TBXAS1: variants seen among roughly 807,000 people sequenced by gnomAD.
TBXAS1 encodes the protein thromboxane-A synthase.
A neutral mutation model predicts 60.7 loss-of-function variants in TBXAS1; 48 were observed. That is an observed-to-expected ratio of 0.79 (90% CI 0.63 to 1.01). The LOEUF (loss-of-function observed/expected upper bound fraction) is 1.01, where lower values mean the gene tolerates loss of function less well. TBXAS1 is among the 50% of genes least tolerant of loss of function. The pLI is 0.00. For synonymous variants in TBXAS1, 287 were observed against 269.7 expected (o/e 1.06, Z -0.63); for missense variants, 685 against 686.3 (o/e 1.00, Z 0.02).
At chr7:139,938,457 A>G (rs1361510829) in intron 5 of TBXAS1, among the ~76,000 whole-genome samples, 2 of 152,206 alleles carry the variant, frequency 1.3e-5, no homozygotes, top group African/African-American at 4.8e-5. Flanking sequence ...ATGAGAGGAA[A>G]GGGGCACCTG....
rs147307695 is a variant in TBXAS1, at chr7:139,961,229, G to A, written c.820-690G>A. On this transcript the variant is annotated intron_variant, in intron 8 of 12. Transcript: ENST00000448866. ...CCTGGAGACTTTGAAGACAGGCGCC[G>A]CCAAACTAGTCCCCTCGCCTTGCCC... 1.6e-3 allele frequency among the ~76,000 whole-genome samples: 251 copies of A among 152,292 alleles called. 1 individual carries two copies. Among genetic ancestry groups the A allele is most frequent in the African/African-American group, 5.8e-3 (239 of 41,546 alleles).
At chr7:139,782,781 C>T (rs971603725) in intron 3 of TBXAS1, 6 of 152,114 alleles carry the variant, frequency 3.9e-5, no homozygotes, top group Non-Finnish European at 8.8e-5. Context: ...CTCTTTTGGT[C>T]TCTTGCTGTA....
At chr7:139,826,897 C>T (rs1798450908), upstream of TBXAS1, among the ~76,000 whole-genome samples, 1 of 152,120 alleles carries the variant, frequency 6.6e-6, no homozygotes. Flanking sequence ...TTGATTTTCC[C>T]AACAATACCT....
intron 3 of TBXAS1, among the ~76,000 whole-genome samples, chr7:139,879,428 A>G (rs939036195): frequency 6.6e-6 from 1 of 152,208 alleles, no homozygotes; most frequent in Admixed American, 6.5e-5. Context: ...ATGTAACACA[A>G]AGAAGGCAAG....
chr7:139,875,400 G>A (rs1218681161), intron 2 of TBXAS1, among the ~76,000 whole-genome samples, 185 bp from the exon 3 acceptor site: 2 of 152,178 alleles, frequency 1.3e-5, no homozygotes, highest in Non-Finnish European at 2.9e-5. Context: ...CTTTTACATG[G>A]CAATTTTTTT....
intron 9 of TBXAS1, among the ~76,000 whole-genome samples, chr7:139,986,755 A>ATATGTG (rs1316978387): frequency 2.5e-5 from 2 of 79,750 alleles, no homozygotes; most frequent in African/African-American, 5.1e-5. Flanking sequence ...ATATATATAT[A>ATATGTG]TGTGTGTGTG....
Position 139,778,730 on chromosome 7 carries a change from C to T in TBXAS1, c.-318+259C>T, listed in dbSNP as rs1796871184. 6.6e-6 allele frequency among the ~76,000 whole-genome samples: 1 copy of T among 152,176 alleles called. No homozygotes were observed. The highest frequency in any genetic ancestry group is 6.5e-5 in the Admixed American group (1 of 15,292). ...ATCACTTGAATGGGAGCTCACAACT[C>T]TCTGGGTCCTCGCTTTTCTCAGCGC... On this transcript the variant is annotated intron_variant, in intron 1 of 16. Coordinates refer to the TBXAS1 transcript ENST00000336425. The surrounding 1 kb of genome is among the most constrained non-coding windows in gnomAD (Gnocchi z 4.8).
chr7:139,795,394 C>T (rs1160325707), intron 4 of TBXAS1, among the ~76,000 whole-genome samples: 1,043 of 52,334 alleles, frequency 0.02, no homozygotes, highest in Non-Finnish European at 0.028. Context: ...TGTTTGAGTT[C>T]ATTGTAGATT....
intron 1 of TBXAS1, among the ~76,000 whole-genome samples, chr7:139,845,819 T>C (rs1237917396): frequency 8.1e-5 from 11 of 136,180 alleles, no homozygotes; most frequent in Non-Finnish European, 3.1e-5. Context: ...TAAATTGAAC[T>C]CTAGTTTTTT....
At chr7:139,835,617 G>A (rs554684577) in intron 1 of TBXAS1, among the ~76,000 whole-genome samples, 3 of 152,202 alleles carry the variant, frequency 2.0e-5, no homozygotes, top group South Asian at 4.2e-4. Context: ...CAGCATACAA[G>A]GGACATACCT....
intron 9 of TBXAS1, among the ~76,000 whole-genome samples, chr7:139,980,628 C>A (rs1376046439): frequency 6.6e-6 from 1 of 151,896 alleles, no homozygotes; most frequent in South Asian, 2.1e-4. Context: ...CACTTCCTCC[C>A]CTCGTTTCCT....
At chr7:139,879,296 C>T (rs1012867515) in intron 3 of TBXAS1, among the ~76,000 whole-genome samples, 3 of 152,182 alleles carry the variant, frequency 2.0e-5, no homozygotes, top group Admixed American at 6.5e-5. Context: ...AAACTACACA[C>T]GGTGTCTCTG....
At chr7:139,837,110 C>A (rs1348932332) in intron 1 of TBXAS1, among the ~76,000 whole-genome samples, 1 of 152,128 alleles carries the variant, frequency 6.6e-6, no homozygotes, top group Non-Finnish European at 1.5e-5. Context: ...CAATGCAATA[C>A]CACATTACTT....
intron 9 of TBXAS1, among the ~76,000 whole-genome samples, chr7:139,992,064 C>G (rs913137639): frequency 1.3e-5 from 2 of 152,224 alleles, no homozygotes; most frequent in African/African-American, 4.8e-5. Context: ...GGGAGGCAAG[C>G]CCTCCCTGTC....
intron 3 of TBXAS1, among the ~76,000 whole-genome samples, chr7:139,898,629 C>T (rs1804311992): frequency 6.6e-6 from 1 of 152,006 alleles, no homozygotes; most frequent in Admixed American, 6.5e-5. Flanking sequence ...CCTTTCTGTT[C>T]CTTCTGCTGA....
intron 9 of TBXAS1, among the ~76,000 whole-genome samples, chr7:139,995,127 TA>T (rs1813203082): frequency 6.6e-6 from 1 of 152,014 alleles, no homozygotes; most frequent in South Asian, 2.1e-4. Context: ...TCGTATTCTA[TA>T]GTCAGCTGAG....
rs1218375824 is a variant in TBXAS1 at position 139,957,530 on chromosome 7, G to A, written c.689-104G>A. The A allele has an allele frequency of 5.2e-6, 8 of 1,528,126 alleles. No homozygotes were observed. In the Admixed American group the frequency reaches 1.0e-4, roughly 20 times the overall value. 94.7% of individuals were successfully genotyped at this position (1,528,126 alleles called of 1,614,324 possible). ...GGCGGGGAGGGCAGGACTCCAAAACGGCTCCGATTCCAGGCCCGCGTTTGC... is the reference window on the plus strand; with the variant it reads ...GGCGGGGAGGGCAGGACTCCAAAACAGCTCCGATTCCAGGCCCGCGTTTGC... On this transcript the variant is annotated intron_variant, in intron 7 of 12. Transcript: ENST00000448866.
intron 5 of TBXAS1, among the ~76,000 whole-genome samples, chr7:139,950,189 C>T (rs555158856): frequency 5.3e-5 from 8 of 152,076 alleles, no homozygotes; most frequent in East Asian, 1.9e-4. Context: ...CCTGCCACCA[C>T]GCCCAGCTAA....
chr7:140,008,418 C>A (rs528242599), intron 10 of TBXAS1, among the ~76,000 whole-genome samples: 102 of 151,432 alleles, frequency 6.7e-4, no homozygotes, highest in African/African-American at 2.3e-3. Flanking sequence ...GAGCCTCTTG[C>A]AAACTGTCAT....
Sources: allele counts gnomAD v4.1 joint callset (sites outside exome capture counted in the v4.1 genomes callset), GRCh38; gene constraint gnomAD v4.1.1; non-coding constraint Gnocchi (gnomAD v3.1); transcripts MANE v1.5; gene names NCBI Gene and HGNC (gene_info 2026-07-23, HGNC 2026-07-21).